Variants in SF3B1 observed in about 807,000 individuals in gnomAD.
SF3B1 encodes pre-mRNA processing 10.
A neutral mutation model predicts 153.8 loss-of-function variants in SF3B1; 12 were observed. The observed-to-expected ratio is 0.08, with a 90% CI of 0.05 to 0.13. SF3B1 has a LOEUF of 0.13. Among genes scored for constraint, SF3B1 ranks in the 10% least tolerant of loss-of-function variants. The pLI is 1.00. For synonymous variants in SF3B1, 498 were observed against 525.2 expected, an observed-to-expected ratio of 0.95 and a Z score of 0.71; for missense variants, 513 against 1,606.1, an observed-to-expected ratio of 0.32 and a Z score of 11.63.
chr2:197,403,181 A>G (rs371632739), intron 12 of SF3B1, 146 bp from the exon 13 acceptor site: 77 of 650,634 alleles, frequency 1.2e-4, no homozygotes, highest in Non-Finnish European at 1.7e-4. Context: ...TTTTAATTAT[A>G]CAAGTTCAAA....
chr2:197,422,686 C>G (rs1360277801), intron 2 of SF3B1, among the ~76,000 whole-genome samples: 1 of 151,332 alleles, frequency 6.6e-6, no homozygotes, highest in African/African-American at 2.4e-5. Flanking sequence ...CTCAGGAGAT[C>G]GAGACCATCC....
At chr2:197,431,104 CTTTTTTTTTTTTTTTT>C (rs558644461) in intron 1 of SF3B1, among the ~76,000 whole-genome samples, 27 of 73,712 alleles carry the variant, frequency 3.7e-4, no homozygotes, top group Admixed American at 2.3e-3. Flanking sequence ...GCCTTTTCTT[CTTTTTTTTTTTTTTTT>C]TTTTTTTTTT....
At chr2:197,403,793 G>T (rs1311095303) in intron 11 of SF3B1, 29 bp from the exon 12 acceptor site, 3 of 1,510,430 alleles carry the variant, frequency 2.0e-6, no homozygotes, top group African/African-American at 1.5e-5. Flanking sequence ...TAATAGGTGT[G>T]GTTTCTTTAT....
At chr2:197,410,088 C>G in intron 6 of SF3B1, 81 bp from the exon 7 acceptor site, 1 of 994,268 alleles carries the variant, frequency 1.0e-6, no homozygotes, top group South Asian at 1.6e-5. Context: ...AAACTTTAAA[C>G]GAAAAATGTT....
intron 4 of SF3B1, 89 bp downstream of exon 4, chr2:197,420,339 C>A: frequency 1.0e-6 from 1 of 955,548 alleles, no homozygotes; most frequent in African/African-American, 1.6e-5. Context: ...AAAGCAAATT[C>A]AGAAGCATGC....
rs539720648 is a variant in SF3B1, at chr2:197,395,567, T to G, written c.3539+489A>C. 5.3e-5 allele frequency among the ~76,000 whole-genome samples: 8 copies of G among 152,334 alleles called. No individual in the cohort carries two copies. The South Asian group carries it at 1.7e-3, about 32-fold the overall frequency. ...AGGTATTAGCAATCTGTCAAATAAC[T>G]TGAACAGTACTCTACTGGTGGTCAC... On this transcript the variant is annotated intron_variant, in intron 23 of 24. Transcript: ENST00000335508.
chr2:197,402,958 A>G lies in SF3B1; in HGVS notation c.1797T>C (p.Asn599=). Residue 599 remains asparagine, a synonymous_variant, in exon 13 of 25, where the codon AAT becomes AAC. Transcript: ENST00000335508. The surrounding 1 kb of genome is among the most constrained non-coding windows in gnomAD (Gnocchi z 4.6). The part of the protein sequence containing the change: ...ARVEGREIIS[N]LAKAAGLATM... ...AATTAAATGTAAATACCTTTGCCAA[A>G]TTAGAAATGATCTCTCGGCCTTCCA... The G allele has an allele frequency of 5.6e-6, 9 of 1,613,572 alleles. No homozygotes were observed. Among genetic ancestry groups the G allele is most frequent in the Non-Finnish European group, 7.6e-6 (9 of 1,179,576 alleles).
chr2:197,425,796 T>G (rs1365702242), intron 1 of SF3B1, among the ~76,000 whole-genome samples: 1 of 151,868 alleles, frequency 6.6e-6, no homozygotes, highest in East Asian at 1.9e-4. Context: ...GCCCAGGAGT[T>G]CAAAACCAGC....
chr2:197,396,084 G>C lies in SF3B1; in HGVS notation c.3511C>G (p.Pro1171Ala). The part of the protein sequence containing the change: ...MGKDYIYAVT[P>A]LLEDALMDRD... ...TCCATTAAAGCATCTTCAAGTAACG[G>C]TGTTACGGCATAAATGTAGTCTTTT... The change falls in exon 23 of 25, where the codon CCG becomes GCG. Residue 1171 changes from proline (P) to alanine (A), a missense_variant. Physicochemically the swap from Pro to Ala is conservative, Grantham distance 27. Transcript: ENST00000335508. The C allele has an allele frequency of 6.2e-7, 1 of 1,613,410 alleles. No individual in the cohort carries two copies. The highest frequency in any genetic ancestry group is 8.5e-7 in the Non-Finnish European group (1 of 1,179,436).
chr2:197,410,096 GT>G, intron 6 of SF3B1, 89 bp from the exon 7 acceptor site: 1 of 879,080 alleles, frequency 1.1e-6, no homozygotes, highest in Non-Finnish European at 1.8e-6. Context: ...AACGAAAAAT[GT>G]TTTAGTTCTA....
chr2:197,430,166 G>C (rs940889112), intron 1 of SF3B1, among the ~76,000 whole-genome samples: 1 of 152,182 alleles, frequency 6.6e-6, no homozygotes, highest in Non-Finnish European at 1.5e-5. Context: ...TTGGAAGCCT[G>C]ACTGAAACTG....
At chr2:197,416,652 A>T in intron 6 of SF3B1, 89 bp downstream of exon 6, 1 of 1,145,008 alleles carries the variant, frequency 8.7e-7, no homozygotes, top group Non-Finnish European at 1.2e-6. Flanking sequence ...AGTCTGTGGT[A>T]TCTTGCTATG....
In SF3B1 at chr2:197,392,210, C is replaced by A. The variant is rs538479854; in HGVS notation, c.*93G>T. On this transcript the variant is annotated 3_prime_UTR_variant, in exon 25 of 25. Transcript: ENST00000335508. The stretch of plus-strand genomic sequence containing the variant: ...CTCTTCCTCTATGACCAGTTCTACA[C>A]TGATCTGCAATGTTTAAAAGTTTAC... 1 of 635,212 alleles carries A rather than the reference C, an allele frequency of 1.6e-6. No individual in the cohort carries two copies. Among genetic ancestry groups the A allele is most frequent in the Non-Finnish European group, 2.8e-6 (1 of 354,060 alleles). 39.3% of individuals were successfully genotyped at this position (635,212 alleles called of 1,614,324 possible).
chr2:197,395,619 AG>A (rs1303840644), intron 23 of SF3B1, among the ~76,000 whole-genome samples: 1 of 152,230 alleles, frequency 6.6e-6, no homozygotes, highest in African/African-American at 2.4e-5. Flanking sequence ...GACCTGCAAC[AG>A]GAAGAGTGTA....
At chr2:197,421,863 C>T (rs1384782621) in intron 2 of SF3B1, among the ~76,000 whole-genome samples, 1 of 152,006 alleles carries the variant, frequency 6.6e-6, no homozygotes, top group East Asian at 1.9e-4. Context: ...CATACGTAGT[C>T]CCAGCTACTC....
chr2:197,392,838 GA>G, intron 24 of SF3B1, 133 bp downstream of exon 24: 1 of 625,704 alleles, frequency 1.6e-6, no homozygotes, highest in Non-Finnish European at 2.8e-6. Context: ...ATGACAGGTT[GA>G]TAGGTGCAGC....
At chr2:197,429,506 C>T (rs185552612) in intron 1 of SF3B1, among the ~76,000 whole-genome samples, 3 of 151,926 alleles carry the variant, frequency 2.0e-5, no homozygotes, top group East Asian at 3.9e-4. Context: ...TAAGGCAGGC[C>T]GGCACGGTGG....
At chr2:197,428,754 CATG>C (rs1266395792) in intron 1 of SF3B1, among the ~76,000 whole-genome samples, 1 of 151,962 alleles carries the variant, frequency 6.6e-6, no homozygotes, top group Non-Finnish European at 1.5e-5. Flanking sequence ...ATTAGCCAGA[CATG>C]GTGGTGGCAC....
intron 4 of SF3B1, 120 bp downstream of exon 4, chr2:197,420,308 T>A: frequency 1.4e-6 from 1 of 698,180 alleles, no homozygotes; most frequent in South Asian, 1.8e-5. Context: ...AAATCTATAG[T>A]AAGGGGGATT....
Sources: allele counts gnomAD v4.1 joint callset (sites outside exome capture counted in the v4.1 genomes callset), GRCh38; gene constraint gnomAD v4.1.1; non-coding constraint Gnocchi (gnomAD v3.1); transcripts MANE v1.5; gene names NCBI Gene and HGNC (gene_info 2026-07-23, HGNC 2026-07-21).